Variants in LRP1B observed in about 807,000 individuals in gnomAD.
The protein encoded by LRP1B is low-density lipoprotein receptor-related protein 1B.
A neutral mutation model predicts 556.6 loss-of-function variants in LRP1B; 217 were observed. The observed-to-expected ratio is 0.39, with a 90% confidence interval of 0.35 to 0.44. LRP1B has a LOEUF of 0.44. Ranked by LOEUF, LRP1B falls within the 20% of genes least tolerant of loss-of-function variation. The pLI is 1.00. For missense variants in LRP1B, 5,053 were observed against 5,620.8 expected (o/e 0.90, Z 3.23); for synonymous variants, 2,047 against 1,865.8 (o/e 1.10, Z -2.50).
At chr2:142,045,469 T>C (rs942915566) in intron 1 of LRP1B, among the ~76,000 whole-genome samples, 3 of 151,884 alleles carry the variant, frequency 2.0e-5, no homozygotes, top group Non-Finnish European at 2.9e-5. Flanking sequence ...TTAGCACTTA[T>C]AGTCAGAGTA....
chr2:140,294,873 TATTTATTTATGC>T (rs1163158510), intron 84 of LRP1B, among the ~76,000 whole-genome samples: 3 of 152,060 alleles, frequency 2.0e-5, no homozygotes, highest in South Asian at 2.1e-4. Context: ...TAATTAGTGT[TATTTATTTATGC>T]ATTTATTTAT....
chr2:141,815,796 C>A (rs1696524886), intron 1 of LRP1B, among the ~76,000 whole-genome samples: 1 of 152,154 alleles, frequency 6.6e-6, no homozygotes, highest in African/African-American at 2.4e-5. Context: ...ACCTTGCTAC[C>A]ACTCACTCTT....
intron 86 of LRP1B, among the ~76,000 whole-genome samples, chr2:140,258,409 G>A (rs986840639): frequency 4.0e-5 from 6 of 151,892 alleles, no homozygotes; most frequent in African/African-American, 1.5e-4. Flanking sequence ...ACTTGAGCTG[G>A]CTTTACATAT....
chr2:140,482,928 C>T (rs1688301055), intron 59 of LRP1B, among the ~76,000 whole-genome samples: 1 of 152,070 alleles, frequency 6.6e-6, no homozygotes, highest in Non-Finnish European at 1.5e-5. Flanking sequence ...AATTGCATTT[C>T]TATTAATCTT....
chr2:141,384,428 A>G (rs1023543304), intron 3 of LRP1B, among the ~76,000 whole-genome samples: 6 of 152,154 alleles, frequency 3.9e-5, no homozygotes, highest in Non-Finnish European at 8.8e-5. Flanking sequence ...TATTTAAGAA[A>G]TTGGAAATCT....
chr2:142,102,604 G>T (rs1038203463), intron 1 of LRP1B, among the ~76,000 whole-genome samples: 1 of 151,566 alleles, frequency 6.6e-6, no homozygotes, highest in African/African-American at 2.4e-5. Flanking sequence ...AGAAAATGTG[G>T]ATTCATAATT....
intron 3 of LRP1B, among the ~76,000 whole-genome samples, chr2:141,389,761 T>C (rs534514288): frequency 1.3e-5 from 2 of 152,300 alleles, no homozygotes; most frequent in East Asian, 1.9e-4. Flanking sequence ...ATACAAAATA[T>C]ATATAATACT....
chr2:141,501,658 A>T (rs916321326), intron 2 of LRP1B, among the ~76,000 whole-genome samples: 13 of 152,200 alleles, frequency 8.5e-5, no homozygotes. Flanking sequence ...TGCTCTATAC[A>T]AATGAAGCTA....
At chr2:141,415,309 G>A (rs908207741) in intron 3 of LRP1B, among the ~76,000 whole-genome samples, 10 of 152,118 alleles carry the variant, frequency 6.6e-5, no homozygotes, top group South Asian at 4.2e-4. Context: ...CACCACGCCC[G>A]GCCTCTAATC....
intron 18 of LRP1B, among the ~76,000 whole-genome samples, chr2:140,959,871 T>C (rs1027197406): frequency 6.6e-6 from 1 of 151,716 alleles, no homozygotes; most frequent in Non-Finnish European, 1.5e-5. Flanking sequence ...TCATTGTTTT[T>C]CTCTCATTCA....
intron 35 of LRP1B, among the ~76,000 whole-genome samples, chr2:140,719,076 C>A (rs577006046): frequency 6.6e-6 from 1 of 152,152 alleles, no homozygotes; most frequent in South Asian, 2.1e-4. Flanking sequence ...TCTTTTGTCT[C>A]ACAGAATGTA....
chr2:141,681,591 C>T (rs1424147082), intron 2 of LRP1B, among the ~76,000 whole-genome samples: 1 of 151,720 alleles, frequency 6.6e-6, no homozygotes, highest in African/African-American at 2.4e-5. Flanking sequence ...TTTGGATTTC[C>T]TGAAGGTAAG....
intron 83 of LRP1B, among the ~76,000 whole-genome samples, chr2:140,309,616 G>A (rs1261480895): frequency 4.0e-5 from 6 of 151,756 alleles, no homozygotes; most frequent in Admixed American, 3.3e-4. Context: ...CACTTAGTAA[G>A]CAACCAGTAA....
intron 2 of LRP1B, among the ~76,000 whole-genome samples, chr2:141,736,462 T>C (rs1015026750): frequency 6.6e-6 from 1 of 152,082 alleles, no homozygotes; most frequent in Non-Finnish European, 1.5e-5. Context: ...CAGAGACACA[T>C]AAATATGAGA....
At chr2:141,043,739 T>C (rs777860581) in intron 11 of LRP1B, among the ~76,000 whole-genome samples, 10 of 151,972 alleles carry the variant, frequency 6.6e-5, no homozygotes, top group Non-Finnish European at 1.5e-4. Context: ...TAACAATAAA[T>C]TGAATAGTAA....
intron 86 of LRP1B, among the ~76,000 whole-genome samples, chr2:140,261,112 T>C (rs1334022340): frequency 2.0e-5 from 3 of 151,762 alleles, no homozygotes; most frequent in South Asian, 2.1e-4. Context: ...GTGTTAACAA[T>C]AGGTTTTCTG....
At chr2:141,608,498 C>T (rs547413664) in intron 2 of LRP1B, among the ~76,000 whole-genome samples, 3 of 152,216 alleles carry the variant, frequency 2.0e-5, no homozygotes, top group East Asian at 3.9e-4. Context: ...CACCATTGTC[C>T]AATGACATTA....
intron 29 of LRP1B, among the ~76,000 whole-genome samples, chr2:140,847,682 G>C (rs560065858): frequency 1.7e-4 from 26 of 151,684 alleles, no homozygotes; most frequent in African/African-American, 6.3e-4. Flanking sequence ...TAGGAGAATA[G>C]CTTGAACCCT....
At chr2:140,318,768 G>C (rs1443726986) in intron 82 of LRP1B, among the ~76,000 whole-genome samples, 1 of 152,034 alleles carries the variant, frequency 6.6e-6, no homozygotes, top group Non-Finnish European at 1.5e-5. Flanking sequence ...ACTAAGTAAT[G>C]TTAGACAATC....
Sources: gnomAD v4.1 joint callset for allele counts (sites outside exome capture counted in the v4.1 genomes callset) on GRCh38, gnomAD v4.1.1 for gene constraint, MANE v1.5 for transcripts, NCBI Gene and HGNC (gene_info 2026-07-23, HGNC 2026-07-21) for gene names.